The following LUC7L variants were observed in gnomAD, a reference collection of about 807,000 sequenced individuals.
LUC7L encodes LUC7 like.
In LUC7L, 29 loss-of-function variants were observed where a neutral mutation model predicts 51.1. That is an observed-to-expected ratio of 0.57 (90% CI 0.42 to 0.77). The LOEUF is 0.77. Ranked by LOEUF, LUC7L falls within the 30% of genes least tolerant of loss-of-function variation. The pLI is 0.00. For synonymous variants in LUC7L, 181 were observed against 180.7 expected (o/e 1.00, Z -0.01); for missense variants, 403 against 511.9 (o/e 0.79, Z 2.05).
intron 8 of LUC7L, 72 bp from the exon 9 acceptor site, chr16:190,207 G>T: frequency 7.7e-7 from 1 of 1,304,926 alleles, no homozygotes; most frequent in Non-Finnish European, 1.1e-6. Flanking sequence ...CCCCTCAGCA[G>T]ATTCTGCTTG....
At chr16:199,453 C>T (rs2049256249) in intron 5 of LUC7L, among the ~76,000 whole-genome samples, 1 of 152,092 alleles carries the variant, frequency 6.6e-6, no homozygotes, top group South Asian at 2.1e-4. Context: ...TTTGTGAGGC[C>T]AGGTGGGCGG....
At position 220,661 on chromosome 16, in the gene LUC7L, A is replaced by G. The variant is rs2049939364; in HGVS notation, c.243T>C (p.Phe81=). 2 of 1,612,140 alleles carry G rather than the reference A, an allele frequency of 1.2e-6. No homozygotes were observed. The highest frequency in any genetic ancestry group is 2.2e-5 in the East Asian group (1 of 44,862). ...AAATAAAACTTACATCTAATTCAAAAAACAGGTCTCTTTCTTTACTTGCAA... is the reference window on the plus strand; with the variant it reads ...AAATAAAACTTACATCTAATTCAAAGAACAGGTCTCTTTCTTTACTTGCAA... ...YEIASKERDL[F]FELDAMDHLE... Residue 81 remains phenylalanine, a synonymous_variant, in exon 3 of 10, where the codon TTT becomes TTC. Transcript: ENST00000293872.
intron 1 of LUC7L, chr16:228,989 G>C: frequency 7.0e-7 from 1 of 1,434,790 alleles, no homozygotes; most frequent in Admixed American, 2.3e-5. Flanking sequence ...GAGGGGCACG[G>C]AGCCGCGGCG....
chr16:201,303 A>G (rs1042364527), intron 5 of LUC7L, among the ~76,000 whole-genome samples: 3 of 151,550 alleles, frequency 2.0e-5, no homozygotes, highest in Non-Finnish European at 1.5e-5. Flanking sequence ...ACAAATATTC[A>G]TAACATTACT....
chr16:215,780 A>C (rs2049778272), intron 3 of LUC7L, among the ~76,000 whole-genome samples: 1 of 152,054 alleles, frequency 6.6e-6, no homozygotes, highest in Admixed American at 6.6e-5. Flanking sequence ...TCCAGCCTGG[A>C]CGAGAGTGAG....
intron 1 of LUC7L, 99 bp downstream of exon 1, chr16:229,180 G>A (rs1190366525): frequency 1.2e-5 from 18 of 1,474,036 alleles, no homozygotes; most frequent in East Asian, 1.1e-4. Context: ...GCCCCGCGCA[G>A]GCGCAGGCGC....
Position 193,500 on chromosome 16 carries a change from T to A in LUC7L, c.688-485A>T, listed in dbSNP as rs115999457. Reference sequence around the variant, plus strand: ...AGAAGATAACACATGAAAAAATGCTTTATCATTACATTTTTTTTTCCTGAG... The same window carrying A: ...AGAAGATAACACATGAAAAAATGCTATATCATTACATTTTTTTTTCCTGAG... On this transcript the variant is annotated intron_variant, in intron 6 of 9. Transcript: ENST00000293872. Among the ~76,000 whole-genome samples, 1,082 of 152,078 alleles carry A rather than the reference T, an allele frequency of 7.1e-3. 20 individuals carry two copies. Among genetic ancestry groups the A allele is most frequent in the African/African-American group, 0.025 (1,040 of 41,442 alleles).
chr16:202,814 C>G (rs1030304016), intron 5 of LUC7L, among the ~76,000 whole-genome samples: 2 of 152,178 alleles, frequency 1.3e-5, no homozygotes, highest in African/African-American at 4.8e-5. Context: ...ACAACAACTC[C>G]ATGCCCACAA....
chr16:205,952 C>T (rs2049471514), intron 5 of LUC7L, 52 bp downstream of exon 5: 3 of 1,573,644 alleles, frequency 1.9e-6, no homozygotes, highest in Non-Finnish European at 2.6e-6. Flanking sequence ...CAACGGTCAA[C>T]GCTGCCAAAT....
chr16:204,363 G>A (rs2049419230), intron 5 of LUC7L, among the ~76,000 whole-genome samples: 2 of 151,920 alleles, frequency 1.3e-5, no homozygotes, highest in African/African-American at 2.4e-5. Flanking sequence ...TTGGGAGACC[G>A]AGGCGGGTGG....
chr16:221,882 G>A (rs1011860324), intron 2 of LUC7L, among the ~76,000 whole-genome samples: 1 of 152,174 alleles, frequency 6.6e-6, no homozygotes, highest in South Asian at 2.1e-4. Context: ...CTAACACTTG[G>A]CTTTGTGTAG....
Position 208,389 on chromosome 16 carries a change from T to C in LUC7L, c.256-201A>G, listed in dbSNP as rs552442015. 774 of 489,812 alleles carry C rather than the reference T, an allele frequency of 1.6e-3. 2 individuals carry two copies. The highest frequency in any genetic ancestry group is 1.8e-3 in the Non-Finnish European group (515 of 284,728). 30.3% of individuals were successfully genotyped at this position (489,812 alleles called of 1,614,324 possible). On this transcript the variant is annotated intron_variant, in intron 3 of 9. Transcript: ENST00000293872. ...GGGATCTGTTAAACAGAATGATTGT[T>C]TGGAAGCATGGTCTTCTCATTTGAT...
chr16:189,805 C>T (rs2048961437), intron 9 of LUC7L, 163 bp downstream of exon 9: 1 of 1,434,154 alleles, frequency 7.0e-7, no homozygotes, highest in East Asian at 2.5e-5. Flanking sequence ...CTCCACAGCC[C>T]TCTCGCCTCT....
In LUC7L at chr16:229,442, G is replaced by T. The variant is rs140285632; in HGVS notation, c.-103C>A. 10 of 1,055,250 alleles carry T rather than the reference G, an allele frequency of 9.5e-6. No homozygotes were observed. The Admixed American group carries it at 2.6e-4, about 28-fold the overall frequency. The allele number at this position is 1,055,250 out of a possible 1,614,324, so 65.4% of individuals were successfully genotyped here. A position where few individuals can be genotyped will look rare whatever the true frequency, so the allele number is the denominator to read the frequency against. On this transcript the variant is annotated 5_prime_UTR_variant, in exon 1 of 10. Coordinates refer to ENST00000293872, the MANE Select transcript of LUC7L (RefSeq NM_201412.3). ...GGTCGCGTCGGCCTCGAGCCCACTCGGCTCTTTCCCGCCGCGGGGGACGCC... is the reference window on the plus strand; with the variant it reads ...GGTCGCGTCGGCCTCGAGCCCACTCTGCTCTTTCCCGCCGCGGGGGACGCC...
intron 1 of LUC7L, chr16:227,570 A>G (rs2050162247): frequency 1.5e-6 from 2 of 1,342,442 alleles, no homozygotes; most frequent in Admixed American, 3.1e-5. Context: ...CCATCACTGT[A>G]CCAAAGAAGT....
At chr16:211,799 T>A (rs755950937) in intron 3 of LUC7L, among the ~76,000 whole-genome samples, 1 of 152,040 alleles carries the variant, frequency 6.6e-6, no homozygotes, top group Non-Finnish European at 1.5e-5. Context: ...CTGGACAATA[T>A]CAGCACACGT....
At chr16:210,636 C>G (rs371007991) in intron 3 of LUC7L, among the ~76,000 whole-genome samples, 18 of 152,262 alleles carry the variant, frequency 1.2e-4, no homozygotes, top group African/African-American at 4.3e-4. Flanking sequence ...GGGATTCACT[C>G]GAGGGGTCAA....
chr16:189,976 C>T lies in LUC7L; in HGVS notation c.966G>A (p.Ala322=), dbSNP rs202135978. 10 of 1,611,806 alleles carry T rather than the reference C, an allele frequency of 6.2e-6. No homozygotes were observed. In the East Asian group the frequency reaches 8.9e-5, roughly 14 times the overall value. Residue 322 remains alanine, a synonymous_variant, in exon 9 of 10, where the codon GCG becomes GCA. Coordinates refer to ENST00000293872, the MANE Select transcript of LUC7L (RefSeq NM_201412.3). ...GHRRASRDRS[A]KYKFSRERAS... is the part of the protein sequence containing the mutation. ...GGAGTCAGAGTAGTTACTTGTATTT[C>T]GCACTTCGGTCCCGGGAAGCCCGAC...
intron 7 of LUC7L, among the ~76,000 whole-genome samples, chr16:191,470 A>G (rs752395329): frequency 1.8e-4 from 27 of 152,210 alleles, no homozygotes; most frequent in Non-Finnish European, 3.4e-4. Flanking sequence ...TGTAAACTCC[A>G]TGCAAAAAAT....
Sources: allele counts gnomAD v4.1 joint callset (sites outside exome capture counted in the v4.1 genomes callset), GRCh38; gene constraint gnomAD v4.1.1; transcripts MANE v1.5; gene names NCBI Gene and HGNC (gene_info 2026-07-23, HGNC 2026-07-21).